Variants in PXDNL observed in about 807,000 individuals in gnomAD.
The protein encoded by PXDNL is probable oxidoreductase PXDNL.
PXDNL carries 145 observed loss-of-function variants against 150.8 expected under a neutral mutation model. The ratio of observed to expected loss-of-function variants is 0.96; its 90% CI spans 0.84 to 1.10. The LOEUF is 1.10. PXDNL is among the 50% of genes least tolerant of loss of function. The pLI, the probability that PXDNL is intolerant of heterozygous loss-of-function variation, is 0.00. For synonymous variants in PXDNL, 757 were observed against 725.7 expected (o/e 1.04, Z -0.69); for missense variants, 2,087 against 1,873.9 (o/e 1.11, Z -2.10).
At chr8:51,749,831 G>A (rs1430680848) in intron 1 of PXDNL, among the ~76,000 whole-genome samples, 1 of 152,112 alleles carries the variant, frequency 6.6e-6, no homozygotes, top group East Asian at 1.9e-4. Context: ...CTCCTGAGTA[G>A]CTGGGATTAC....
At chr8:51,377,593 A>T (rs1448600490) in intron 17 of PXDNL, among the ~76,000 whole-genome samples, 1 of 152,220 alleles carries the variant, frequency 6.6e-6, no homozygotes, top group Non-Finnish European at 1.5e-5. Context: ...GCGTGGGCTC[A>T]GCTGGCACAC....
At chr8:51,808,852 G>A (rs1185126908) in intron 1 of PXDNL, among the ~76,000 whole-genome samples, 1 of 152,154 alleles carries the variant, frequency 6.6e-6, no homozygotes, top group African/African-American at 2.4e-5. Flanking sequence ...CCAAAGACTT[G>A]GGAGTAGAGG....
chr8:51,423,481 G>T, intron 14 of PXDNL, 94 bp downstream of exon 14: 1 of 974,094 alleles, frequency 1.0e-6, no homozygotes, highest in South Asian at 2.3e-5. Context: ...AAGTATAAGA[G>T]AGCATGATTA....
intron 1 of PXDNL, among the ~76,000 whole-genome samples, chr8:51,737,759 C>T (rs868508139): frequency 0.013 from 1,924 of 152,036 alleles, 29 homozygotes; most frequent in South Asian, 0.038. Context: ...CTGTCAGACC[C>T]CCCCCACCAC....
chr8:51,322,978 T>C (rs190659175), intron 21 of PXDNL, among the ~76,000 whole-genome samples: 278 of 152,252 alleles, frequency 1.8e-3, no homozygotes, highest in African/African-American at 6.5e-3. Context: ...ATGGAGAGGA[T>C]GATAAGACAA....
At chr8:51,573,958 G>A (rs1799408162) in intron 3 of PXDNL, among the ~76,000 whole-genome samples, 1 of 151,944 alleles carries the variant, frequency 6.6e-6, no homozygotes, top group African/African-American at 2.4e-5. Flanking sequence ...GACAAAGAGA[G>A]AAGACAGTCA....
At chr8:51,604,194 G>A (rs1212520204) in intron 2 of PXDNL, among the ~76,000 whole-genome samples, 1 of 152,120 alleles carries the variant, frequency 6.6e-6, no homozygotes, top group Non-Finnish European at 1.5e-5. Flanking sequence ...AAAGACACAT[G>A]CACACATATG....
In PXDNL at chr8:51,371,898, C is replaced by T. The variant is rs1345512732; in HGVS notation, c.3876G>A (p.Leu1292=). 1.9e-6 allele frequency: 3 copies of T among 1,613,840 alleles called. No individual in the cohort carries two copies. Among genetic ancestry groups the T allele is most frequent in the Non-Finnish European group, 2.5e-6 (3 of 1,179,890 alleles). The part of the protein sequence containing the change: ...LNCSEIPKVD[L]RVWQDCCADC... ...CTGCACAGCAGTCTTGCCACACTCG[C>T]AGGTCCACCTTCGGGATCTCGCTGC... is the stretch of plus-strand genomic sequence containing the variant. The change falls in exon 19 of 23, where the codon CTG becomes CTA. Residue 1292 remains leucine (L), a synonymous_variant. Coordinates refer to ENST00000356297, the MANE Select transcript of PXDNL (RefSeq NM_144651.5).
intron 18 of PXDNL, 90 bp downstream of exon 18, chr8:51,374,507 T>A: frequency 7.3e-7 from 1 of 1,371,200 alleles, no homozygotes; most frequent in Non-Finnish European, 1.0e-6. Flanking sequence ...CATTAAATCA[T>A]AAAAATATGA....
rs1805259235 is a variant in PXDNL at position 51,319,677 on chromosome 8, A to G, written c.*214T>C. The stretch of plus-strand genomic sequence containing the variant: ...TATTTCTTATGATCAAACACTTCAT[A>G]TGCACTTTATTGCTTTTAGTTTTGA... On this transcript the variant is annotated 3_prime_UTR_variant, in exon 23 of 23. Coordinates refer to ENST00000356297, the MANE Select transcript of PXDNL (RefSeq NM_144651.5). 3.0e-6 allele frequency: 1 copy of G among 330,270 alleles called. No individual in the cohort carries two copies. Among genetic ancestry groups the G allele is most frequent in the African/African-American group, 2.1e-5 (1 of 46,812 alleles). The allele number at this position is 330,270 out of a possible 1,614,324, so 20.5% of individuals were successfully genotyped here.
chr8:51,567,603 T>C (rs1204990367), intron 3 of PXDNL, among the ~76,000 whole-genome samples: 1 of 151,866 alleles, frequency 6.6e-6, no homozygotes, highest in East Asian at 1.9e-4. Flanking sequence ...TCTTTTCATT[T>C]GTGTTAGCAT....
At chr8:51,628,341 CTTTCTTTCTTTCT>C (rs1203771585) in intron 2 of PXDNL, among the ~76,000 whole-genome samples, 3 of 128,218 alleles carry the variant, frequency 2.3e-5, no homozygotes, top group Non-Finnish European at 3.4e-5. Flanking sequence ...TTCTTTATTT[CTTTCTTTCTTTCT>C]TTTCTTTCTT....
intron 3 of PXDNL, among the ~76,000 whole-genome samples, chr8:51,577,535 T>A (rs928513503): frequency 1.4e-5 from 2 of 148,112 alleles, no homozygotes; most frequent in Non-Finnish European, 3.0e-5. Context: ...AGTACCAATA[T>A]GAAAAAATCA....
At chr8:51,633,711 A>G (rs1401123710) in intron 2 of PXDNL, among the ~76,000 whole-genome samples, 7 of 152,238 alleles carry the variant, frequency 4.6e-5, no homozygotes, top group Non-Finnish European at 1.5e-5. Flanking sequence ...TGTGGTTTCA[A>G]TTTGCATTTC....
chr8:51,392,208 A>T (rs991621816), intron 17 of PXDNL, among the ~76,000 whole-genome samples: 1 of 152,096 alleles, frequency 6.6e-6, no homozygotes, highest in African/African-American at 2.4e-5. Context: ...CTTAGGATTG[A>T]CTTGGTGATG....
chr8:51,690,645 G>A lies in PXDNL; in HGVS notation c.165-35885C>T, dbSNP rs140715118. On this transcript the variant is annotated intron_variant, in intron 1 of 22. Coordinates refer to ENST00000356297, the MANE Select transcript of PXDNL (RefSeq NM_144651.5). ...CAATAAACATATGTGTCCATGTGTCGTTATAGCAGTATGATTTATAGTCCT... is the reference window on the plus strand; with the variant it reads ...CAATAAACATATGTGTCCATGTGTCATTATAGCAGTATGATTTATAGTCCT... 6.1e-3 allele frequency among the ~76,000 whole-genome samples: 931 copies of A among 152,238 alleles called. 15 individuals are homozygous for A. Among genetic ancestry groups the A allele is most frequent in the African/African-American group, 0.021 (884 of 41,532 alleles).
chr8:51,740,841 G>A (rs10089130), intron 1 of PXDNL, among the ~76,000 whole-genome samples: 145,973 of 152,272 alleles, frequency 0.96, 70,274 homozygotes, highest in East Asian at 1. Flanking sequence ...GCTTTTTAAC[G>A]TGCTGCTGGA....
At chr8:51,709,909 C>T (rs1816460596) in intron 1 of PXDNL, among the ~76,000 whole-genome samples, 1 of 152,130 alleles carries the variant, frequency 6.6e-6, no homozygotes, top group Non-Finnish European at 1.5e-5. Flanking sequence ...AATATCTATG[C>T]ACACAAATAG....
intron 16 of PXDNL, among the ~76,000 whole-genome samples, chr8:51,410,148 C>CTT (rs1563399772): frequency 1.3e-5 from 2 of 152,190 alleles, no homozygotes; most frequent in Non-Finnish European, 2.9e-5. Context: ...CCACATGATA[C>CTT]TTGACAAGGA....
Sources: gnomAD v4.1 joint callset for allele counts (sites outside exome capture counted in the v4.1 genomes callset) on GRCh38, gnomAD v4.1.1 for gene constraint, MANE v1.5 for transcripts, NCBI Gene and HGNC (gene_info 2026-07-23, HGNC 2026-07-21) for gene names.